Variants in ARHGAP18 observed in about 807,000 individuals in gnomAD.
ARHGAP18 encodes rho GTPase-activating protein 18.
ARHGAP18 carries 67 observed loss-of-function variants against 86.2 expected under a neutral mutation model. The ratio of observed to expected loss-of-function variants is 0.78; its 90% confidence interval spans 0.64 to 0.95. The LOEUF is 0.95. Among genes scored for constraint, ARHGAP18 ranks in the 40% least tolerant of loss-of-function variants. The pLI, the probability that ARHGAP18 is intolerant of heterozygous loss-of-function variation, is 0.00. For synonymous variants in ARHGAP18, 283 were observed against 280.4 expected (o/e 1.01, Z -0.09); for missense variants, 691 against 780.4 (o/e 0.89, Z 1.37).
intron 5 of ARHGAP18, among the ~76,000 whole-genome samples, chr6:129,619,909 A>G (rs1010889447): frequency 1.3e-4 from 19 of 151,736 alleles, no homozygotes; most frequent in African/African-American, 4.6e-4. Flanking sequence ...GACTTATGGC[A>G]ATGGCTTAAC....
At chr6:129,599,384 G>C in intron 11 of ARHGAP18, 28 bp from the exon 12 acceptor site, 1 of 1,429,618 alleles carries the variant, frequency 7.0e-7, no homozygotes, top group African/African-American at 1.5e-5. Context: ...TAAGCTTAGA[G>C]AGGAAAAAGA....
intron 1 of ARHGAP18, among the ~76,000 whole-genome samples, chr6:129,662,333 C>A (rs561747861): frequency 6.6e-6 from 1 of 152,350 alleles, no homozygotes; most frequent in South Asian, 2.1e-4. Flanking sequence ...GGGCATGGTG[C>A]CTGCTTCTCA....
chr6:129,666,830 G>T (rs1774049303), intron 1 of ARHGAP18, among the ~76,000 whole-genome samples: 1 of 152,154 alleles, frequency 6.6e-6, no homozygotes, highest in African/African-American at 2.4e-5. Flanking sequence ...CACAAATAAG[G>T]TTACAAGTCT....
chr6:129,610,333 G>A (rs532584543), intron 8 of ARHGAP18, among the ~76,000 whole-genome samples: 1 of 152,312 alleles, frequency 6.6e-6, no homozygotes, highest in South Asian at 2.1e-4. Context: ...TATCCCCCAG[G>A]CCAAAAAGTG....
At chr6:129,616,999 T>C (rs1481653792) in intron 6 of ARHGAP18, among the ~76,000 whole-genome samples, 1 of 152,148 alleles carries the variant, frequency 6.6e-6, no homozygotes, top group Non-Finnish European at 1.5e-5. Flanking sequence ...CCATATTAAA[T>C]AGACATTGAA....
intron 2 of ARHGAP18, among the ~76,000 whole-genome samples, chr6:129,638,942 C>G (rs935057024): frequency 6.6e-6 from 1 of 152,168 alleles, no homozygotes. Context: ...AAAAAGATAA[C>G]TTACTTCCAT....
At chr6:129,607,061 T>A (rs1788868888) in intron 9 of ARHGAP18, among the ~76,000 whole-genome samples, 1 of 152,040 alleles carries the variant, frequency 6.6e-6, no homozygotes, top group African/African-American at 2.4e-5. Flanking sequence ...GATTTCACCA[T>A]ATTGGCCAGG....
At chr6:129,631,762 T>TAA (rs386408589) in intron 4 of ARHGAP18, among the ~76,000 whole-genome samples, 9,147 of 107,538 alleles carry the variant, frequency 0.085, 394 homozygotes, top group Middle Eastern at 0.15. Flanking sequence ...GCTTCTATTT[T>TAA]AAAAAAAAAA....
chr6:129,653,788 G>C (rs929417778), intron 1 of ARHGAP18, among the ~76,000 whole-genome samples: 20 of 151,498 alleles, frequency 1.3e-4, no homozygotes, highest in African/African-American at 4.6e-4. Flanking sequence ...AGCTACTTGT[G>C]GGTTAGGGCA....
intron 12 of ARHGAP18, among the ~76,000 whole-genome samples, chr6:129,592,918 T>A (rs534674114): frequency 6.6e-6 from 1 of 152,108 alleles, no homozygotes; most frequent in African/African-American, 2.4e-5. Flanking sequence ...CAGAAAAATG[T>A]GTTCGATTGT....
chr6:129,667,871 G>A (rs184498953), intron 1 of ARHGAP18, among the ~76,000 whole-genome samples: 2 of 152,044 alleles, frequency 1.3e-5, no homozygotes, highest in Non-Finnish European at 2.9e-5. Context: ...GGGAGAGGAG[G>A]GTTATGAAAC....
At chr6:129,674,499 C>A (rs184926372) in intron 1 of ARHGAP18, among the ~76,000 whole-genome samples, 1 of 152,332 alleles carries the variant, frequency 6.6e-6, no homozygotes, top group African/African-American at 2.4e-5. Flanking sequence ...TGGATTCAGC[C>A]AACCATGGAT....
At chr6:129,638,978 G>A (rs1773390591) in intron 2 of ARHGAP18, among the ~76,000 whole-genome samples, 1 of 152,164 alleles carries the variant, frequency 6.6e-6, no homozygotes, top group African/African-American at 2.4e-5. Context: ...AGTCAATGCT[G>A]GGGCTATATA....
rs1264092642 is a variant in ARHGAP18 at position 129,688,892 on chromosome 6, T to G, written c.113+21132A>C. 2.0e-5 allele frequency among the ~76,000 whole-genome samples: 3 copies of G among 152,158 alleles called. No homozygotes were observed. The East Asian group carries it at 5.8e-4, about 29-fold the overall frequency. ...GACAATGATTCCATATTTTGGAGATTCAATAGACTGATGCTAAGAGCACTG... is the reference window on the plus strand; with the variant it reads ...GACAATGATTCCATATTTTGGAGATGCAATAGACTGATGCTAAGAGCACTG... On this transcript the variant is annotated intron_variant, in intron 1 of 14. Transcript: ENST00000368149.
At chr6:129,590,302 G>A (rs1788483043) in intron 12 of ARHGAP18, among the ~76,000 whole-genome samples, 1 of 152,132 alleles carries the variant, frequency 6.6e-6, no homozygotes, top group Non-Finnish European at 1.5e-5. Flanking sequence ...TATGAAATGA[G>A]GTGTTGAGTT....
rs1788841549 is a variant in ARHGAP18 at position 129,605,858 on chromosome 6, G to A, written c.1365+19C>T. On this transcript the variant is annotated intron_variant, in intron 10 of 14. Coordinates refer to ENST00000368149, the MANE Select transcript of ARHGAP18 (RefSeq NM_033515.3). Reference sequence around the variant, plus strand: ...TGCTTACTTCTAAGGGATATTTAATGTAAATTAACCAAGCTGACCTTCAGT... The same window carrying A: ...TGCTTACTTCTAAGGGATATTTAATATAAATTAACCAAGCTGACCTTCAGT... 3 of 1,602,912 alleles carry A rather than the reference G, an allele frequency of 1.9e-6. No individual in the cohort carries two copies. The highest frequency in any genetic ancestry group is 2.7e-5 in the African/African-American group (2 of 74,644).
intron 5 of ARHGAP18, among the ~76,000 whole-genome samples, chr6:129,623,451 T>G (rs1399621855): frequency 6.6e-6 from 1 of 152,144 alleles, no homozygotes; most frequent in African/African-American, 2.4e-5. Context: ...TCTCCAAATT[T>G]AAGAGGAGAA....
intron 1 of ARHGAP18, among the ~76,000 whole-genome samples, chr6:129,649,913 T>G (rs76968781): frequency 0.099 from 12,848 of 130,386 alleles, 870 homozygotes; most frequent in African/African-American, 0.2. Flanking sequence ...TCTTTTTTTT[T>G]GTTTTTTTTT....
chr6:129,604,202 T>C (rs1272434851), intron 10 of ARHGAP18, among the ~76,000 whole-genome samples: 4 of 146,608 alleles, frequency 2.7e-5, no homozygotes, highest in African/African-American at 7.5e-5. Flanking sequence ...AAAATAGTAC[T>C]CCCCCCCCCC....
Sources: allele counts gnomAD v4.1 joint callset (sites outside exome capture counted in the v4.1 genomes callset), GRCh38; gene constraint gnomAD v4.1.1; transcripts MANE v1.5; gene names NCBI Gene and HGNC (gene_info 2026-07-23, HGNC 2026-07-21).